MED13L: variants seen among roughly 807,000 people sequenced by gnomAD.
MED13L encodes mediator complex subunit 13L.
In MED13L, 7 loss-of-function variants were observed where a neutral mutation model predicts 220.9. The observed-to-expected ratio is 0.03, with a 90% CI of 0.02 to 0.06. The LOEUF is 0.06. MED13L is among the 10% of genes least tolerant of loss of function. The pLI, the probability that MED13L is intolerant of heterozygous loss-of-function variation, is 1.00. For missense variants in MED13L, 1,965 were observed against 2,760.5 expected, an observed-to-expected ratio of 0.71 and a Z score of 6.46; for synonymous variants, 1,011 against 1,015.2, an observed-to-expected ratio of 1.00 and a Z score of 0.08.
intron 1 of MED13L, among the ~76,000 whole-genome samples, chr12:116,272,361 G>C (rs1873445534): frequency 6.6e-6 from 1 of 152,086 alleles, no homozygotes; most frequent in Admixed American, 6.5e-5. Context: ...AGGAGTTCCA[G>C]AGCAGCCTGA....
At chr12:116,253,753 G>GTTTTTTTTTTTTTTT (rs746923184) in intron 1 of MED13L, among the ~76,000 whole-genome samples, 3 of 76,494 alleles carry the variant, frequency 3.9e-5, no homozygotes, top group African/African-American at 5.4e-5. Flanking sequence ...GGTTTTTTTT[G>GTTTTTTTTTTTTTTT]TTTTTTTTTT....
At chr12:116,055,545 C>T (rs1868880261) in intron 4 of MED13L, among the ~76,000 whole-genome samples, 1 of 152,176 alleles carries the variant, frequency 6.6e-6, no homozygotes, top group Non-Finnish European at 1.5e-5. Flanking sequence ...CACAACCGGC[C>T]TTTCCAAGAA....
At chr12:115,997,304 A>C in intron 14 of MED13L, 74 bp from the exon 15 acceptor site, 1 of 1,186,740 alleles carries the variant, frequency 8.4e-7, no homozygotes. Flanking sequence ...AGCCAGGCGC[A>C]CTCTTTGGCA....
chr12:116,206,309 G>T (rs1882327078), intron 2 of MED13L, among the ~76,000 whole-genome samples: 1 of 151,982 alleles, frequency 6.6e-6, no homozygotes, highest in African/African-American at 2.4e-5. Context: ...TCGAACTCCT[G>T]ACCTCAGGTG....
chr12:116,129,968 T>C (rs945121340), intron 2 of MED13L, among the ~76,000 whole-genome samples: 66 of 151,772 alleles, frequency 4.3e-4, no homozygotes, highest in Admixed American at 1.4e-3. Flanking sequence ...CACATATCCA[T>C]TTACCTCAAG....
At chr12:116,272,304 T>A (rs1191053434) in intron 1 of MED13L, among the ~76,000 whole-genome samples, 1 of 152,228 alleles carries the variant, frequency 6.6e-6, no homozygotes, top group East Asian at 1.9e-4. Context: ...GGCTCATGCC[T>A]GTAATCCCAG....
chr12:116,063,059 T>C (rs1348197883), intron 4 of MED13L, among the ~76,000 whole-genome samples: 1 of 152,166 alleles, frequency 6.6e-6, no homozygotes, highest in African/African-American at 2.4e-5. Context: ...CAAAACAATC[T>C]TACTCTGCAA....
rs1393485848 is a variant in MED13L at position 115,991,932 on chromosome 12, C to T, written c.3022G>A (p.Ala1008Thr). Residue 1008 changes from alanine (A) to threonine (T), a missense_variant, in exon 17 of 31, where the codon GCA becomes ACA. This residue lies in a region of MED13L where 233 missense variants were observed against 306.2 expected (regional missense o/e 0.76). Transcript: ENST00000281928. This position sits in a 1 kb window ranked among gnomAD's most constrained non-coding sequence, Gnocchi z 7.7. ...YNNVPSVGSLADPDYLNTPQM... is the reference protein window; with the variant it reads ...YNNVPSVGSLTDPDYLNTPQM... ...GGTGTGTTCAGATAGTCTGGATCTG[C>T]TAGGCTCCCAACACTAGGCACGTTA... 1 of 1,599,746 alleles carries T rather than the reference C, an allele frequency of 6.3e-7. No homozygotes were observed.
intron 1 of MED13L, among the ~76,000 whole-genome samples, chr12:116,259,804 GT>G (rs1872366040): frequency 6.6e-6 from 1 of 152,162 alleles, no homozygotes; most frequent in African/African-American, 2.4e-5. Flanking sequence ...GATCCTTCAT[GT>G]TTTGTGTTAG....
At chr12:116,236,518 AC>A (rs771144753) in intron 2 of MED13L, among the ~76,000 whole-genome samples, 17 of 152,070 alleles carry the variant, frequency 1.1e-4, no homozygotes, top group Admixed American at 5.9e-4. Context: ...AAAAAAAAAA[AC>A]ATTAAAAACA....
intron 2 of MED13L, among the ~76,000 whole-genome samples, chr12:116,171,079 G>C (rs1374628453): frequency 2.6e-5 from 4 of 152,220 alleles, no homozygotes; most frequent in Admixed American, 6.5e-5. Flanking sequence ...AGTTGAAAAA[G>C]GCAAATAATG....
chr12:116,016,775 T>C (rs1466902332), intron 7 of MED13L, among the ~76,000 whole-genome samples: 4 of 152,316 alleles, frequency 2.6e-5, no homozygotes, highest in East Asian at 3.9e-4. Flanking sequence ...AAAATGCATG[T>C]TGAATGTTGT....
At position 116,271,394 on chromosome 12, in the gene MED13L, T is replaced by C. The variant is rs373635149; in HGVS notation, c.72+5666A>G. Among the ~76,000 whole-genome samples the C allele has an allele frequency of 3.0e-4, 45 of 151,838 alleles. 1 individual carries two copies. The East Asian group carries it at 8.1e-3, about 27-fold the overall frequency. ...TCACGAGGTCAGGAGATCGAGACCATCCTGGCTAACATGGTGAAACCCCAT... is the reference window on the plus strand; with the variant it reads ...TCACGAGGTCAGGAGATCGAGACCACCCTGGCTAACATGGTGAAACCCCAT... On this transcript the variant is annotated intron_variant, in intron 1 of 30. Transcript: ENST00000281928.
At chr12:116,025,335 G>T (rs981161093) in intron 4 of MED13L, among the ~76,000 whole-genome samples, 6 of 152,140 alleles carry the variant, frequency 3.9e-5, no homozygotes, top group African/African-American at 1.4e-4. Flanking sequence ...TCCTCAAAAT[G>T]TTAGAAATAC....
chr12:116,184,531 T>C (rs371375886), intron 2 of MED13L, among the ~76,000 whole-genome samples: 8 of 152,108 alleles, frequency 5.3e-5, no homozygotes, highest in Non-Finnish European at 1.0e-4. Flanking sequence ...CAAAGAAACA[T>C]AGCTTAAGAA....
At chr12:116,027,344 C>T (rs1390435844) in intron 4 of MED13L, among the ~76,000 whole-genome samples, 1 of 152,046 alleles carries the variant, frequency 6.6e-6, no homozygotes, top group Non-Finnish European at 1.5e-5. Context: ...ACAGCTTGAG[C>T]CTTTGAGGTT....
At chr12:116,104,064 G>A (rs1873340113) in intron 3 of MED13L, among the ~76,000 whole-genome samples, 1 of 130,242 alleles carries the variant, frequency 7.7e-6, no homozygotes, top group East Asian at 2.5e-4. Context: ...AGACTGGAGT[G>A]CAATGGCACG....
intron 4 of MED13L, among the ~76,000 whole-genome samples, chr12:116,069,538 C>T (rs903613528): frequency 6.6e-6 from 1 of 152,112 alleles, no homozygotes; most frequent in Non-Finnish European, 1.5e-5. Flanking sequence ...TTGGTACTGA[C>T]TTTTTAGCTA....
At chr12:116,233,830 A>G (rs1436115010) in intron 2 of MED13L, among the ~76,000 whole-genome samples, 1 of 152,182 alleles carries the variant, frequency 6.6e-6, no homozygotes, top group Non-Finnish European at 1.5e-5. Flanking sequence ...ACGCATTAAC[A>G]ATTCCCCAGA....
Sources: gnomAD v4.1 joint callset for allele counts (sites outside exome capture counted in the v4.1 genomes callset) on GRCh38, gnomAD v4.1.1 for gene constraint, gnomAD v4.1.1 regional missense constraint, Gnocchi (gnomAD v3.1) non-coding constraint, MANE v1.5 for transcripts, NCBI Gene and HGNC (gene_info 2026-07-23, HGNC 2026-07-21) for gene names.